Variants in PSD4 observed in about 807,000 individuals in gnomAD.
PSD4 encodes the protein pleckstrin and Sec7 domain containing 4.
Under a neutral mutation model 112.5 loss-of-function variants are expected in PSD4, and 59 were observed. The observed-to-expected ratio is 0.52, with a 90% CI of 0.43 to 0.65. The LOEUF is 0.65. Among genes scored for constraint, PSD4 ranks in the 30% least tolerant of loss-of-function variants. PSD4 has a pLI of 0.00. For synonymous variants in PSD4, 533 were observed against 540.0 expected (o/e 0.99, Z 0.18); for missense variants, 1,267 against 1,352.6 (o/e 0.94, Z 0.99).
Position 113,207,027 on chromosome 2 carries a change from G to A in PSD4, c.*5612G>A, listed in dbSNP as rs981328364. 1 of 152,128 alleles carries A rather than the reference G, an allele frequency of 6.6e-6. No individual in the cohort carries two copies. Among genetic ancestry groups the A allele is most frequent in the Non-Finnish European group, 1.5e-5 (1 of 68,046 alleles). 9.4% of individuals were successfully genotyped at this position (152,128 alleles called of 1,614,324 possible). On this transcript the variant is annotated 3_prime_UTR_variant, in exon 17 of 17. Coordinates refer to ENST00000245796, the MANE Select transcript of PSD4 (RefSeq NM_012455.3). ...TGGGGGCTCCATCTCCCAGGCCTAT[G>A]AGCAGGAACAACCCTCATGCTTCCA...
intron 1 of PSD4, among the ~76,000 whole-genome samples, chr2:113,177,718 T>C (rs1217165738): frequency 6.6e-6 from 1 of 152,204 alleles, no homozygotes; most frequent in Non-Finnish European, 1.5e-5. Context: ...ACAAATCAGT[T>C]ACATAATGTG....
Position 113,185,294 on chromosome 2 carries a change from G to GC in PSD4, c.1174-69dup. On this transcript the variant is annotated intron_variant, in intron 3 of 16. Coordinates refer to ENST00000245796, the MANE Select transcript of PSD4 (RefSeq NM_012455.3). ...CCTCCCCTCCTTTCCCCTTCTCCCT[G>GC]CCTGGCCTCTCCCCCATCCACCTCT... The GC allele has an allele frequency of 1.9e-6, 3 of 1,592,972 alleles. No homozygotes were observed. In the South Asian group the frequency reaches 3.3e-5, roughly 18 times the overall value.
At chr2:113,174,435 G>A (rs1283508681) in intron 1 of PSD4, among the ~76,000 whole-genome samples, 1 of 152,200 alleles carries the variant, frequency 6.6e-6, no homozygotes, top group Non-Finnish European at 1.5e-5. Context: ...TGCGTCCCCA[G>A]TGACTGCTCT....
In PSD4 at chr2:113,183,331, C is replaced by G; in HGVS notation, c.875C>G (p.Pro292Arg). 1 of 1,603,898 alleles carries G rather than the reference C, an allele frequency of 6.2e-7. No individual in the cohort carries two copies. The highest frequency in any genetic ancestry group is 1.3e-5 in the African/African-American group (1 of 74,788). The stretch of plus-strand genomic sequence containing the variant: ...CCAGCGACTCTGGAGCCTCCCCTCC[C>G]AGAAGACACAGTGCTGTGGGAGCTG... Reference protein sequence around the residue: ...ESPATLEPPLPEDTVLWELES... With the variant: ...ESPATLEPPLREDTVLWELES... The change falls in exon 2 of 17, where the codon CCA becomes CGA. Residue 292 changes from proline to arginine, a missense_variant. This residue lies in a region of PSD4 where 723 missense variants were observed against 704.0 expected (regional missense o/e 1.03). Transcript: ENST00000245796.
intron 5 of PSD4, among the ~76,000 whole-genome samples, chr2:113,188,774 G>A (rs1028220930): frequency 6.6e-6 from 1 of 152,022 alleles, no homozygotes; most frequent in Non-Finnish European, 1.5e-5. Context: ...TAGAGACGGG[G>A]TTTCCCCGTG....
chr2:113,206,728 T>C lies in PSD4; in HGVS notation c.*5313T>C, dbSNP rs1448609097. On this transcript the variant is annotated 3_prime_UTR_variant, in exon 17 of 17. Coordinates refer to ENST00000245796, the MANE Select transcript of PSD4 (RefSeq NM_012455.3). ...GGACACCTGTGAGGTTAGCTATTAA[T>C]TCATAGCCTCACCAGACTTACCCCA... 6.6e-6 allele frequency: 1 copy of C among 152,276 alleles called. No individual in the cohort carries two copies. The highest frequency in any genetic ancestry group is 2.4e-5 in the African/African-American group (1 of 41,472). 9.4% of individuals were successfully genotyped at this position (152,276 alleles called of 1,614,324 possible). A position where few individuals can be genotyped will look rare whatever the true frequency, so the allele number is the denominator to read the frequency against.
chr2:113,179,397 G>A (rs1435929729), intron 1 of PSD4, among the ~76,000 whole-genome samples: 3 of 152,168 alleles, frequency 2.0e-5, no homozygotes, highest in Non-Finnish European at 4.4e-5. Flanking sequence ...GGATCCATAG[G>A]AGAAGAATGA....
chr2:113,192,605 C>A lies in PSD4; in HGVS notation c.1838+16C>A. The A allele has an allele frequency of 6.2e-7, 1 of 1,612,340 alleles. No individual in the cohort carries two copies. Among genetic ancestry groups the A allele is most frequent in the Non-Finnish European group, 8.5e-7 (1 of 1,178,784 alleles). On this transcript the variant is annotated intron_variant, in intron 6 of 16. Transcript: ENST00000245796. ...TGCAGAAGAAGTAAGGGGCTTTGAG[C>A]CTGGGGAAGGCTGGAGGCTGAGGCA... is the stretch of plus-strand genomic sequence containing the variant.
intron 5 of PSD4, among the ~76,000 whole-genome samples, chr2:113,186,638 G>A (rs1263718841): frequency 1.3e-5 from 2 of 152,214 alleles, no homozygotes; most frequent in Non-Finnish European, 2.9e-5. Flanking sequence ...GTCAGAGCTT[G>A]TAATGTGGGG....
Position 113,182,331 on chromosome 2 carries a change from T to C in PSD4, c.-111-15T>C. 1 of 940,210 alleles carries C rather than the reference T, an allele frequency of 1.1e-6. No individual in the cohort carries two copies. The highest frequency in any genetic ancestry group is 1.6e-6 in the Non-Finnish European group (1 of 626,468). 58.2% of individuals were successfully genotyped at this position (940,210 alleles called of 1,614,324 possible). On this transcript the variant is annotated splice_polypyrimidine_tract_variant and intron_variant, in intron 1 of 16. Coordinates refer to ENST00000245796, the MANE Select transcript of PSD4 (RefSeq NM_012455.3). Reference sequence around the variant, plus strand: ...CAGCCCTTCCCTAACCTGCACTTGCTTTGGGCATTTCCAGGGTAGATATGG... The same window carrying C: ...CAGCCCTTCCCTAACCTGCACTTGCCTTGGGCATTTCCAGGGTAGATATGG...
At position 113,185,436 on chromosome 2, in the gene PSD4, C is replaced by T. The variant is rs1573359268; in HGVS notation, c.1245C>T (p.Asp415=). 2 of 1,614,178 alleles carry T rather than the reference C, an allele frequency of 1.2e-6. No individual in the cohort carries two copies. The highest frequency in any genetic ancestry group is 1.7e-6 in the Non-Finnish European group (2 of 1,180,024). ...FWPQVTLNSQ[D]RDEREGGHPQ... ...CCCAGGTGACTCTTAACTCCCAGGACAGAGGTGAGCCCTAATAAGGGGGTT... is the reference window on the plus strand; with the variant it reads ...CCCAGGTGACTCTTAACTCCCAGGATAGAGGTGAGCCCTAATAAGGGGGTT... The change falls in exon 4 of 17, where the codon GAC becomes GAT. Residue 415 remains aspartate (D), a synonymous_variant. Transcript: ENST00000245796.
chr2:113,186,022 C>T lies in PSD4; in HGVS notation c.1395C>T (p.Ser465=). 6.2e-7 allele frequency: 1 copy of T among 1,614,210 alleles called. No homozygotes were observed. ...GPGPRPSPAS[S]QEGSPQLQHH... ...GTCCCAGGCCCAGCCCTGCATCGTC[C>T]CAGGAGGGCAGCCCGCAGCTTCAAC... Residue 465 remains serine, a synonymous_variant, in exon 5 of 17, where the codon TCC becomes TCT. Transcript: ENST00000245796.
At chr2:113,189,085 A>G (rs1030620533) in intron 5 of PSD4, among the ~76,000 whole-genome samples, 8 of 152,076 alleles carry the variant, frequency 5.3e-5, no homozygotes, top group African/African-American at 1.9e-4. Flanking sequence ...CTGAGTCTCC[A>G]AAGTCCACTG....
intron 1 of PSD4, among the ~76,000 whole-genome samples, chr2:113,176,472 C>A (rs1382921570): frequency 6.6e-6 from 1 of 152,214 alleles, no homozygotes; most frequent in Non-Finnish European, 1.5e-5. Context: ...GTCAGCTGTG[C>A]TCAAGAAGAG....
chr2:113,193,802 G>A, intron 9 of PSD4, 57 bp from the exon 10 acceptor site: 1 of 1,586,270 alleles, frequency 6.3e-7, no homozygotes. Flanking sequence ...TGGCTGGGAG[G>A]TTATTCTATT....
intron 5 of PSD4, 41 bp from the exon 6 acceptor site, chr2:113,192,339 C>T (rs760529435): frequency 6.3e-7 from 1 of 1,595,988 alleles, no homozygotes; most frequent in Non-Finnish European, 8.6e-7. Context: ...AACTGACCTG[C>T]AAGAACACTT....
chr2:113,183,052 C>G lies in PSD4; in HGVS notation c.596C>G (p.Thr199Arg), dbSNP rs145372882. Residue 199 changes from threonine (T) to arginine (R), a missense_variant, in exon 2 of 17, where the codon ACG (threonine) becomes AGG (arginine). Thr to Arg is a moderately conservative substitution (Grantham distance 71). Coordinates refer to ENST00000245796, the MANE Select transcript of PSD4 (RefSeq NM_012455.3). Reference sequence around the variant, plus strand: ...CCCCCTGTGGACCTCCCCGGGGACACGGGCCTGCACTCCAGCCCACCTGAG... The same window carrying G: ...CCCCCTGTGGACCTCCCCGGGGACAGGGGCCTGCACTCCAGCCCACCTGAG... ...PTPPVDLPGD[T>R]GLHSSPPENE... 2 of 1,612,724 alleles carry G rather than the reference C, an allele frequency of 1.2e-6. No homozygotes were observed. The highest frequency in any genetic ancestry group is 2.2e-5 in the South Asian group (2 of 90,970).
chr2:113,175,381 G>C (rs1025758638), intron 1 of PSD4: 1 of 152,092 alleles, frequency 6.6e-6, no homozygotes, highest in Non-Finnish European at 1.5e-5. Flanking sequence ...GTGTGTGCGT[G>C]CAAATTTGCA....
intron 14 of PSD4, chr2:113,198,465 T>A (rs915148841): frequency 1.1e-5 from 4 of 365,472 alleles, no homozygotes; most frequent in Non-Finnish European, 2.0e-5. Context: ...AGAGACGGGG[T>A]TTCACCCTGT....
Sources: gnomAD v4.1 joint callset for allele counts (sites outside exome capture counted in the v4.1 genomes callset) on GRCh38, gnomAD v4.1.1 for gene constraint, gnomAD v4.1.1 regional missense constraint, MANE v1.5 for transcripts, NCBI Gene and HGNC (gene_info 2026-07-23, HGNC 2026-07-21) for gene names.